Variants in RYR3 observed in about 807,000 individuals in gnomAD.
RYR3 encodes the protein ryanodine receptor 3, also known as brain ryanodine receptor-calcium release channel.
Under a neutral mutation model 584.3 loss-of-function variants are expected in RYR3, and 207 were observed. That is an observed-to-expected ratio of 0.35 (90% confidence interval 0.32 to 0.40). The LOEUF (loss-of-function observed/expected upper bound fraction) is 0.40. Among genes scored for constraint, RYR3 ranks in the 10% least tolerant of loss-of-function variants. The pLI is 1.00. For missense variants in RYR3, 5,616 were observed against 6,089.2 expected, an observed-to-expected ratio of 0.92 and a Z score of 2.59; for synonymous variants, 2,416 against 2,248.5, an observed-to-expected ratio of 1.07 and a Z score of -2.11.
At chr15:33,860,695 T>G in intron 101 of RYR3, 36 bp downstream of exon 101, 1 of 1,410,116 alleles carries the variant, frequency 7.1e-7, no homozygotes, top group Non-Finnish European at 9.8e-7. Context: ...CAGCTCTATT[T>G]TAATATCCCC....
intron 1 of RYR3, among the ~76,000 whole-genome samples, chr15:33,369,607 T>TATCC (rs1359542766): frequency 1.1e-4 from 17 of 152,296 alleles, no homozygotes; most frequent in Admixed American, 6.5e-4. Flanking sequence ...TCTGTCTGTC[T>TATCC]ATCCATCCAT....
intron 85 of RYR3, among the ~76,000 whole-genome samples, chr15:33,829,349 G>T (rs1047658279): frequency 2.0e-5 from 3 of 152,116 alleles, no homozygotes; most frequent in African/African-American, 7.2e-5. Context: ...TTTAAGAAAT[G>T]CATTTCGTAA....
At chr15:33,356,633 ATGTT>A (rs1168764367) in intron 1 of RYR3, among the ~76,000 whole-genome samples, 5 of 152,228 alleles carry the variant, frequency 3.3e-5, no homozygotes, top group African/African-American at 9.6e-5. Context: ...GACACATAAT[ATGTT>A]TATTTTGAGG....
intron 38 of RYR3, among the ~76,000 whole-genome samples, chr15:33,675,373 T>TG (rs1203118626): frequency 6.6e-6 from 1 of 152,236 alleles, no homozygotes; most frequent in African/African-American, 2.4e-5. Flanking sequence ...AGAGGTGGCA[T>TG]AAAACTTCAA....
chr15:33,755,715 C>G (rs2071755636), intron 58 of RYR3, among the ~76,000 whole-genome samples: 1 of 152,216 alleles, frequency 6.6e-6, no homozygotes, highest in Non-Finnish European at 1.5e-5. Flanking sequence ...TTTTAACTTT[C>G]CTGTTGTCTT....
At chr15:33,802,863 G>A (rs944808336) in intron 69 of RYR3, among the ~76,000 whole-genome samples, 2 of 152,206 alleles carry the variant, frequency 1.3e-5, no homozygotes, top group Non-Finnish European at 2.9e-5. Flanking sequence ...CTGCCTTTGA[G>A]GAGCATCAGG....
chr15:33,834,535 C>T (rs2077915334), intron 86 of RYR3, among the ~76,000 whole-genome samples: 1 of 151,100 alleles, frequency 6.6e-6, no homozygotes. Flanking sequence ...TGTAACTTTG[C>T]CTGGAAACAA....
At chr15:33,546,472 A>G (rs1361484098) in intron 8 of RYR3, among the ~76,000 whole-genome samples, 1 of 152,184 alleles carries the variant, frequency 6.6e-6, no homozygotes. Context: ...TCCCGATAAC[A>G]TGTACATTAG....
intron 3 of RYR3, among the ~76,000 whole-genome samples, chr15:33,508,190 GAAATAT>G (rs1567401447): frequency 1.3e-5 from 2 of 152,038 alleles, no homozygotes; most frequent in African/African-American, 2.4e-5. Context: ...GAAGAGAGAT[GAAATAT>G]AAATATAAAA....
At chr15:33,411,720 G>A (rs2043424797) in intron 1 of RYR3, among the ~76,000 whole-genome samples, 1 of 152,170 alleles carries the variant, frequency 6.6e-6, no homozygotes, top group African/African-American at 2.4e-5. Flanking sequence ...GGGTATCTGA[G>A]GTTTGGAGCT....
chr15:33,345,201 A>G (rs74005184), intron 1 of RYR3, among the ~76,000 whole-genome samples: 9,142 of 152,158 alleles, frequency 0.06, 405 homozygotes, highest in African/African-American at 0.13. Context: ...GTATAAGCCT[A>G]CCTACTCTTC....
rs558289075 is a variant in RYR3 at position 33,811,958 on chromosome 15, G to A, written c.10258-905G>A. Among the ~76,000 whole-genome samples, 8 of 151,836 alleles carry A rather than the reference G, an allele frequency of 5.3e-5. 1 individual carries two copies. The East Asian group carries it at 5.8e-4, about 11-fold the overall frequency. On this transcript the variant is annotated intron_variant, in intron 72 of 103. Transcript: ENST00000634891. ...CCAACACACAAAGTCTTTCCTTTCC[G>A]CCCCAAACATATAGGAATGGTGGAT...
Position 33,742,431 on chromosome 15 carries a change from G to A in RYR3, c.7886G>A (p.Trp2629Ter), listed in dbSNP as rs2070241152. 6.2e-7 allele frequency: 1 copy of A among 1,607,046 alleles called. No individual in the cohort carries two copies. Among genetic ancestry groups the A allele is most frequent in the Non-Finnish European group, 8.5e-7 (1 of 1,173,694 alleles). The change falls in exon 52 of 104, where the codon TGG (tryptophan) becomes TAG (stop). Residue 2629 changes from tryptophan to a stop codon, truncating the protein, a stop_gained. Transcript: ENST00000634891. LOFTEE classifies it high-confidence loss of function. ...TATGCTGAGCATTCACATGATAAAT[G>A]GGCCTGTGACAAGGTAGGGATTATC... ...TKYAEHSHDK[W>*]ACDKSQSGWK...
At chr15:33,789,102 C>T (rs2074928722) in intron 67 of RYR3, among the ~76,000 whole-genome samples, 1 of 148,152 alleles carries the variant, frequency 6.7e-6, no homozygotes, top group African/African-American at 2.5e-5. Context: ...GTGCAGGCAC[C>T]AAGAAAAAAG....
intron 11 of RYR3, among the ~76,000 whole-genome samples, chr15:33,565,301 A>G (rs985980639): frequency 1.3e-5 from 2 of 152,204 alleles, no homozygotes; most frequent in African/African-American, 2.4e-5. Context: ...CAAATGCAAC[A>G]TTGCTAACCA....
chr15:33,512,929 A>C (rs1306112075), intron 3 of RYR3, among the ~76,000 whole-genome samples: 10 of 152,118 alleles, frequency 6.6e-5, no homozygotes, highest in Non-Finnish European at 1.0e-4. Flanking sequence ...TTGATAAGAG[A>C]TTTTGCTGAG....
intron 100 of RYR3, 76 bp from the exon 101 acceptor site, chr15:33,860,519 G>GT (rs1489789054): frequency 1.2e-6 from 1 of 814,338 alleles, no homozygotes; most frequent in African/African-American, 1.7e-5. Context: ...ACAGAACAAA[G>GT]TAGCTTCTTC....
At chr15:33,797,520 A>T (rs905213669) in intron 67 of RYR3, among the ~76,000 whole-genome samples, 5 of 152,106 alleles carry the variant, frequency 3.3e-5, no homozygotes, top group South Asian at 2.1e-4. Flanking sequence ...GATGTTTTTC[A>T]TTGCACTTAC....
At chr15:33,602,946 A>C (rs1032964376) in intron 17 of RYR3, among the ~76,000 whole-genome samples, 177 bp from the exon 18 acceptor site, 1 of 151,992 alleles carries the variant, frequency 6.6e-6, no homozygotes, top group Admixed American at 6.6e-5. Flanking sequence ...TTTGTTACCC[A>C]GGCTGATCCC....
Sources: gnomAD v4.1 joint callset for allele counts (sites outside exome capture counted in the v4.1 genomes callset) on GRCh38, gnomAD v4.1.1 for gene constraint, MANE v1.5 for transcripts, NCBI Gene and HGNC (gene_info 2026-07-23, HGNC 2026-07-21) for gene names.